Variants in DBF4B observed in about 807,000 individuals in gnomAD.
DBF4B encodes the protein protein DBF4 homolog B.
DBF4B carries 49 observed loss-of-function variants against 53.4 expected under a neutral mutation model. The ratio of observed to expected loss-of-function variants is 0.92; its 90% CI spans 0.73 to 1.16. The LOEUF (loss-of-function observed/expected upper bound fraction) is 1.16. Among genes scored for constraint, DBF4B ranks in the 50% most tolerant of loss-of-function variants. The pLI is 0.00. For missense variants in DBF4B, 692 were observed against 775.0 expected, an observed-to-expected ratio of 0.89 and a Z score of 1.27; for synonymous variants, 257 against 288.7, an observed-to-expected ratio of 0.89 and a Z score of 1.11.
intron 7 of DBF4B, among the ~76,000 whole-genome samples, chr17:44,735,347 A>G (rs1197943591): frequency 6.6e-6 from 1 of 152,156 alleles, no homozygotes; most frequent in East Asian, 1.9e-4. Context: ...CCCCCCTTCT[A>G]TGCAGATACA....
chr17:44,749,147 G>A lies in DBF4B; in HGVS notation c.1189+682G>A. On this transcript the variant is annotated intron_variant, in intron 13 of 13. Transcript: ENST00000315005. This position sits in a 1 kb window ranked among gnomAD's most constrained non-coding sequence, Gnocchi z 4.4. ...CCCTCGGGAGCACCTGTAGAGAGCA[G>A]GTCTACCTCCCTCCTGCAGCCCCTG... The A allele has an allele frequency of 7.8e-7, 1 of 1,289,766 alleles. No individual in the cohort carries two copies. Among genetic ancestry groups the A allele is most frequent in the Non-Finnish European group, 1.0e-6 (1 of 988,852 alleles). The allele number at this position is 1,289,766 out of a possible 1,614,324, so 79.9% of individuals were successfully genotyped here. A position where few individuals can be genotyped will look rare whatever the true frequency, so the allele number is the denominator to read the frequency against.
chr17:44,729,803 T>A, intron 3 of DBF4B, 102 bp from the exon 4 acceptor site: 1 of 1,279,226 alleles, frequency 7.8e-7, no homozygotes, highest in South Asian at 1.5e-5. Flanking sequence ...AGACATTGAT[T>A]CTGGAACTCC....
At chr17:44,710,162 GACTCC>G in intron 2 of DBF4B, among the ~76,000 whole-genome samples, 2 of 151,842 alleles carry the variant, frequency 1.3e-5, no homozygotes, top group South Asian at 4.1e-4. Flanking sequence ...GACCGAGCGA[GACTCC>G]GTCTCAAAAA....
chr17:44,749,772 T>C lies in DBF4B; in HGVS notation c.1190-823T>C. 1 of 1,095,168 alleles carries C rather than the reference T, an allele frequency of 9.1e-7. No individual in the cohort carries two copies. The highest frequency in any genetic ancestry group is 2.6e-5 in the South Asian group (1 of 38,780). 67.8% of individuals were successfully genotyped at this position (1,095,168 alleles called of 1,614,324 possible). Reference sequence around the variant, plus strand: ...TCCTGGCCCTCCACAGGCCCTTGCCTCTCTGCAGAGCCGCGGGTTAGCTGT... The same window carrying C: ...TCCTGGCCCTCCACAGGCCCTTGCCCCTCTGCAGAGCCGCGGGTTAGCTGT... On this transcript the variant is annotated intron_variant, in intron 13 of 13. Coordinates refer to ENST00000315005, the MANE Select transcript of DBF4B (RefSeq NM_145663.3). This position sits in a 1 kb window ranked among gnomAD's most constrained non-coding sequence, Gnocchi z 4.4.
chr17:44,737,898 A>G (rs922527897), intron 8 of DBF4B, among the ~76,000 whole-genome samples: 1 of 152,086 alleles, frequency 6.6e-6, no homozygotes, highest in Non-Finnish European at 1.5e-5. Flanking sequence ...GTCCTCCTGG[A>G]GCATTCTGCC....
In DBF4B at chr17:44,730,982, G is replaced by A. The variant is rs939819823; in HGVS notation, c.435G>A (p.Gly145=). ...KPVDSVPLSR[G]KELLQKAIRN... The stretch of plus-strand genomic sequence containing the variant: ...CCTGTCAGGTGCCTCTAAGCAGAGG[G>A]AAGGAGCTGCTGCAGAAGGCTATCA... The change falls in exon 5 of 14, where the codon GGG becomes GGA. Residue 145 remains glycine (G), a synonymous_variant. Coordinates refer to ENST00000315005, the MANE Select transcript of DBF4B (RefSeq NM_145663.3). 1.2e-6 allele frequency: 2 copies of A among 1,614,054 alleles called. No individual in the cohort carries two copies. The highest frequency in any genetic ancestry group is 1.7e-6 in the Non-Finnish European group (2 of 1,179,938).
At position 44,730,115 on chromosome 17, in the gene DBF4B, A is replaced by G. The variant is rs1181930748; in HGVS notation, c.417+19A>G. 7 of 1,611,416 alleles carry G rather than the reference A, an allele frequency of 4.3e-6. No individual in the cohort carries two copies. The highest frequency in any genetic ancestry group is 5.1e-6 in the Non-Finnish European group (6 of 1,179,506). ...TGACTCGGTAAGAACCTCATGTAGG[A>G]AAGGTATGCTGTGTAAACAAAGGAA... On this transcript the variant is annotated intron_variant, in intron 4 of 13. Coordinates refer to ENST00000315005, the MANE Select transcript of DBF4B (RefSeq NM_145663.3).
intron 2 of DBF4B, among the ~76,000 whole-genome samples, chr17:44,716,802 C>A (rs1275379642): frequency 6.6e-6 from 1 of 152,138 alleles, no homozygotes; most frequent in Non-Finnish European, 1.5e-5. Flanking sequence ...CCTACTGTTT[C>A]ATTCTAGCAT....
intron 2 of DBF4B, among the ~76,000 whole-genome samples, chr17:44,713,522 C>T (rs554933972): frequency 7.2e-5 from 11 of 151,800 alleles, no homozygotes; most frequent in African/African-American, 2.7e-4. Context: ...ATGTCGTGCA[C>T]GCTTGTAATC....
At position 44,747,521 on chromosome 17, in the gene DBF4B, T is replaced by C; in HGVS notation, c.1064+6T>C. ...TTCCAGGCTGGCCTCCCCAGGTGAGTGCCACGCTGGCAGGCACAACTGTGT... is the reference window on the plus strand; with the variant it reads ...TTCCAGGCTGGCCTCCCCAGGTGAGCGCCACGCTGGCAGGCACAACTGTGT... On this transcript the variant is annotated splice_donor_region_variant and intron_variant, in intron 12 of 13. Coordinates refer to ENST00000315005, the MANE Select transcript of DBF4B (RefSeq NM_145663.3). 1 of 1,613,474 alleles carries C rather than the reference T, an allele frequency of 6.2e-7. No homozygotes were observed. Among genetic ancestry groups the C allele is most frequent in the Non-Finnish European group, 8.5e-7 (1 of 1,179,956 alleles).
chr17:44,725,046 G>A (rs984874340), intron 3 of DBF4B, among the ~76,000 whole-genome samples: 2 of 150,084 alleles, frequency 1.3e-5, no homozygotes, highest in African/African-American at 4.9e-5. Context: ...AACTCAGGTG[G>A]CAGAGGTTGC....
Position 44,729,953 on chromosome 17 carries a change from C to G in DBF4B, c.274C>G (p.Arg92Gly). 1 of 1,614,012 alleles carries G rather than the reference C, an allele frequency of 6.2e-7. No individual in the cohort carries two copies. Among genetic ancestry groups the G allele is most frequent in the Non-Finnish European group, 8.5e-7 (1 of 1,180,016 alleles). The change falls in exon 4 of 14, where the codon CGC becomes GGC. Residue 92 changes from arginine (R) to glycine (G), a missense_variant. Transcript: ENST00000315005. ...SKEVSYIVSS[R>G]REVKAESSGK... Reference sequence around the variant, plus strand: ...AGAAGTAAGTTACATCGTGTCCAGCCGCAGAGAAGTAAAGGCAGAGAGCAG... The same window carrying G: ...AGAAGTAAGTTACATCGTGTCCAGCGGCAGAGAAGTAAAGGCAGAGAGCAG...
chr17:44,714,744 T>TCACTTTGTTGCC (rs1221451279), intron 2 of DBF4B, among the ~76,000 whole-genome samples: 2 of 152,186 alleles, frequency 1.3e-5, no homozygotes, highest in Non-Finnish European at 2.9e-5. Flanking sequence ...AAGTGGAGTC[T>TCACTTTGTTGCC]CACTTTGTTG....
intron 2 of DBF4B, among the ~76,000 whole-genome samples, chr17:44,711,719 C>T (rs1157498570): frequency 6.6e-6 from 1 of 152,088 alleles, no homozygotes; most frequent in Admixed American, 6.6e-5. Context: ...GAGGCCGAGG[C>T]AGGGGGATCA....
intron 9 of DBF4B, among the ~76,000 whole-genome samples, chr17:44,738,639 C>T (rs1284189722): frequency 1.3e-5 from 2 of 152,176 alleles, no homozygotes; most frequent in African/African-American, 4.8e-5. Context: ...GTGAATAGTC[C>T]TCTTGGAGAT....
At position 44,751,522 on chromosome 17, in the gene DBF4B, C is replaced by CTAACTACTTTACTCAG; in HGVS notation, c.*269_*270insTAACTACTTTACTCAG. 2 of 1,375,768 alleles carry CTAACTACTTTACTCAG rather than the reference C, an allele frequency of 1.5e-6. No individual in the cohort carries two copies. The highest frequency in any genetic ancestry group is 2.7e-5 in the East Asian group (1 of 36,520). The allele number at this position is 1,375,768 out of a possible 1,614,324, so 85.2% of individuals were successfully genotyped here. A position where few individuals can be genotyped will look rare whatever the true frequency, so the allele number is the denominator to read the frequency against. Reference sequence around the variant, plus strand: ...ACTGTCTGTCCCTGGCCCTCCAGCCCACCTCGCCAACCACTCTTGTTGGTT... The same window carrying CTAACTACTTTACTCAG: ...ACTGTCTGTCCCTGGCCCTCCAGCCCTAACTACTTTACTCAGACCTCGCCAACCACTCTTGTTGGTT... On this transcript the variant is annotated 3_prime_UTR_variant, in exon 14 of 14. Transcript: ENST00000315005.
chr17:44,731,728 G>A (rs1974856213), intron 5 of DBF4B: 1 of 165,650 alleles, frequency 6.0e-6, no homozygotes, highest in African/African-American at 2.4e-5. Context: ...GACATCAGGA[G>A]GGGTACATGG....
At chr17:44,724,020 G>A (rs983801573) in intron 3 of DBF4B, among the ~76,000 whole-genome samples, 1 of 152,126 alleles carries the variant, frequency 6.6e-6, no homozygotes, top group African/African-American at 2.4e-5. Context: ...AGGATCACTT[G>A]AGCCCAAAAG....
rs201339968 is a variant in DBF4B at position 44,747,510 on chromosome 17, C to T, written c.1059C>T (p.Leu353=). ...SFADIPFQAG[L]PRWSGSPASD... is the part of the protein sequence containing the mutation. ...CAGACATCCCTTTCCAGGCTGGCCT[C>T]CCCAGGTGAGTGCCACGCTGGCAGG... is the stretch of plus-strand genomic sequence containing the variant. The change falls in exon 12 of 14, where the codon CTC becomes CTT. Residue 353 remains leucine, a synonymous_variant. Transcript: ENST00000315005. The T allele has an allele frequency of 1.5e-4, 236 of 1,613,748 alleles. No homozygotes were observed. The East Asian group carries it at 4.6e-3, about 31-fold the overall frequency.
Sources: gnomAD v4.1 joint callset for allele counts (sites outside exome capture counted in the v4.1 genomes callset) on GRCh38, gnomAD v4.1.1 for gene constraint, Gnocchi (gnomAD v3.1) non-coding constraint, MANE v1.5 for transcripts, NCBI Gene and HGNC (gene_info 2026-07-23, HGNC 2026-07-21) for gene names.